The following CLVS1 variants were observed in gnomAD, a reference collection of about 807,000 sequenced individuals.
CLVS1 encodes the protein clavesin 1.
CLVS1 carries 10 observed loss-of-function variants against 33.1 expected under a neutral mutation model. The ratio of observed to expected loss-of-function variants is 0.30; its 90% confidence interval spans 0.19 to 0.51. The LOEUF (loss-of-function observed/expected upper bound fraction) is 0.51. CLVS1 is among the 20% of genes least tolerant of loss of function. The pLI, the probability that CLVS1 is intolerant of heterozygous loss-of-function variation, is 0.97. For missense variants in CLVS1, 343 were observed against 433.4 expected (o/e 0.79, Z 1.85); for synonymous variants, 163 against 166.1 (o/e 0.98, Z 0.14).
intron 5 of CLVS1, among the ~76,000 whole-genome samples, chr8:61,479,699 C>T (rs755124735): frequency 6.6e-6 from 1 of 152,044 alleles, no homozygotes; most frequent in Non-Finnish European, 1.5e-5. Flanking sequence ...CTGTTTTTTC[C>T]CCATCTTTGT....
the CLVS1 span, chr8:60,966,599 C>G: frequency 8.4e-6 from 2 of 237,906 alleles, no homozygotes; most frequent in African/African-American, 4.5e-5. Flanking sequence ...TTTCTGGGTC[C>G]CAGGGAGTTG....
intron 1 of CLVS1, among the ~76,000 whole-genome samples, chr8:61,111,690 G>A (rs1563406852): frequency 6.6e-6 from 1 of 152,068 alleles, no homozygotes; most frequent in Non-Finnish European, 1.5e-5. Context: ...TCTGCTATTA[G>A]TATACTGTTT....
chr8:61,221,647 C>T (rs1188304358), intron 2 of CLVS1, among the ~76,000 whole-genome samples: 2 of 152,004 alleles, frequency 1.3e-5, no homozygotes, highest in Non-Finnish European at 2.9e-5. Flanking sequence ...GAAGTGTCCT[C>T]TTTTTGTTGT....
At chr8:61,069,235 T>C (rs1018028344) in intron 1 of CLVS1, among the ~76,000 whole-genome samples, 1 of 152,234 alleles carries the variant, frequency 6.6e-6, no homozygotes, top group African/African-American at 2.4e-5. Context: ...CCCAAAGTGC[T>C]GGGATTACAG....
chr8:61,472,467 G>T (rs937748604), intron 5 of CLVS1, among the ~76,000 whole-genome samples: 29 of 152,062 alleles, frequency 1.9e-4, no homozygotes, highest in African/African-American at 7.0e-4. Context: ...AATGCTGTGA[G>T]GAACACTCTA....
chr8:61,310,313 A>G (rs1810788172), intron 2 of CLVS1, among the ~76,000 whole-genome samples: 2 of 152,242 alleles, frequency 1.3e-5, no homozygotes, highest in South Asian at 4.1e-4. Context: ...CGTAAGCACT[A>G]CTAATAGCCA....
intron 1 of CLVS1, among the ~76,000 whole-genome samples, chr8:61,082,749 A>T (rs1186198940): frequency 3.9e-5 from 6 of 152,188 alleles, no homozygotes; most frequent in African/African-American, 1.2e-4. Flanking sequence ...ATTGTCCTTC[A>T]AAAGGAAGGG....
At chr8:61,021,880 T>G in the CLVS1 span, among the ~76,000 whole-genome samples, 1 of 152,164 alleles carries the variant, frequency 6.6e-6, no homozygotes, top group African/African-American at 2.4e-5. Flanking sequence ...CTTTCCCCTC[T>G]TTCTTACTGG....
rs192994327 is a variant in CLVS1 at position 61,071,335 on chromosome 8, T to C, written c.-243+14105T>C. Among the ~76,000 whole-genome samples, 244 of 152,304 alleles carry C rather than the reference T, an allele frequency of 1.6e-3. 2 individuals carry two copies. Among genetic ancestry groups the C allele is most frequent in the African/African-American group, 5.7e-3 (236 of 41,564 alleles). The stretch of plus-strand genomic sequence containing the variant: ...CAGGGCTGGTGCCTTCTGGAGGCTG[T>C]AGGGCAGGATCAGTTTCCCTGACTT... On this transcript the variant is annotated intron_variant, in intron 1 of 2. Transcript: ENST00000522621.
chr8:60,972,678 C>T, the CLVS1 span, among the ~76,000 whole-genome samples: 167 of 152,270 alleles, frequency 1.1e-3, no homozygotes, highest in African/African-American at 3.9e-3. Context: ...TCCTTTGTGG[C>T]CCCCACCCAT....
chr8:61,236,736 T>C lies in CLVS1; in HGVS notation c.-151-62941T>C, dbSNP rs948169850. On this transcript the variant is annotated intron_variant, in intron 2 of 2. Transcript: ENST00000522621. The stretch of plus-strand genomic sequence containing the variant: ...ACAAGAAGGATTACATGTTTCTAAA[T>C]GGAAAAGACTGTAGAGATCATGGAG... Among the ~76,000 whole-genome samples the C allele has an allele frequency of 2.6e-5, 4 of 152,098 alleles. 1 individual carries two copies. The highest frequency in any genetic ancestry group is 5.9e-5 in the Non-Finnish European group (4 of 68,014).
intron 1 of CLVS1, among the ~76,000 whole-genome samples, chr8:61,092,384 C>CA (rs1805266489): frequency 6.6e-6 from 1 of 152,150 alleles, no homozygotes; most frequent in South Asian, 2.1e-4. Flanking sequence ...CTTGAAGCCT[C>CA]ATAGGAAGAG....
chr8:61,167,718 A>G (rs1806907418), intron 2 of CLVS1, among the ~76,000 whole-genome samples: 1 of 152,188 alleles, frequency 6.6e-6, no homozygotes, highest in Non-Finnish European at 1.5e-5. Flanking sequence ...AAAAAGTCGC[A>G]GGTTATAAAG....
intron 1 of CLVS1, among the ~76,000 whole-genome samples, chr8:61,297,444 C>T (rs1272231066): frequency 6.6e-6 from 1 of 151,844 alleles, no homozygotes; most frequent in Non-Finnish European, 1.5e-5. Context: ...TGATAGTGGG[C>T]GATAAGAGGG....
chr8:61,276,881 G>A (rs2129592999), intron 2 of CLVS1, among the ~76,000 whole-genome samples: 1 of 152,300 alleles, frequency 6.6e-6, no homozygotes, highest in Non-Finnish European at 1.5e-5. Context: ...AGGAAGAGAA[G>A]CTGGCTTCAG....
intron 5 of CLVS1, among the ~76,000 whole-genome samples, chr8:61,473,803 C>A (rs758976371): frequency 1.1e-4 from 17 of 152,170 alleles, no homozygotes; most frequent in Non-Finnish European, 2.2e-4. Flanking sequence ...AGATGCAATG[C>A]TGCTGAATGG....
At chr8:61,488,095 T>C (rs550749633) in intron 5 of CLVS1, among the ~76,000 whole-genome samples, 2 of 152,348 alleles carry the variant, frequency 1.3e-5, no homozygotes, top group South Asian at 4.1e-4. Flanking sequence ...GTAGTCATTT[T>C]CTGTTATGAT....
intron 1 of CLVS1, among the ~76,000 whole-genome samples, chr8:61,064,045 T>G (rs999635363): frequency 3.9e-5 from 6 of 152,266 alleles, no homozygotes; most frequent in Admixed American, 1.3e-4. Flanking sequence ...TGTTGTAGCA[T>G]GTGTCAGAAT....
the CLVS1 span, among the ~76,000 whole-genome samples, chr8:60,970,236 C>A: frequency 2.6e-5 from 4 of 152,188 alleles, no homozygotes; most frequent in African/African-American, 9.7e-5. Flanking sequence ...TCTTGAGATG[C>A]GGATTCACAT....
Sources: allele counts gnomAD v4.1 joint callset (sites outside exome capture counted in the v4.1 genomes callset), GRCh38; gene constraint gnomAD v4.1.1; transcripts MANE v1.5; gene names NCBI Gene and HGNC (gene_info 2026-07-23, HGNC 2026-07-21).